Variants in CDKL5 observed in about 807,000 individuals in gnomAD.
CDKL5 encodes the protein cyclin-dependent kinase-like 5.
In CDKL5, 8 loss-of-function variants were observed where a neutral mutation model predicts 61.7. The observed-to-expected ratio is 0.13, with a 90% CI of 0.08 to 0.23. The LOEUF is 0.23. CDKL5 is among the 10% of genes least tolerant of loss of function. The probability of loss-of-function intolerance (pLI) is 1.00; values close to 1 mark genes in which losing one functional copy is unlikely to be tolerated. For missense variants in CDKL5, 440 were observed against 734.5 expected (o/e 0.60, Z 4.63); for synonymous variants, 275 against 272.3 (o/e 1.01, Z -0.10).
chrX:18,516,112 C>T (rs1232946961), intron 3 of CDKL5, among the ~76,000 whole-genome samples: 2 of 109,932 alleles, frequency 1.8e-5, no homozygotes, highest in African/African-American at 6.6e-5. Flanking sequence ...CTCAGCCTTC[C>T]GAGTATCTGG....
intron 3 of CDKL5, among the ~76,000 whole-genome samples, chrX:18,525,781 C>A (rs898809556): frequency 1.1e-5 from 1 of 93,682 alleles, no homozygotes; most frequent in African/African-American, 4.0e-5. Flanking sequence ...GAGTCTCACT[C>A]TGTTGCCCAG....
chrX:18,455,921 T>A (rs1304313969), intron 1 of CDKL5, among the ~76,000 whole-genome samples: 1 of 112,348 alleles, frequency 8.9e-6, no homozygotes, highest in Non-Finnish European at 1.9e-5. Context: ...TCACCTTTAC[T>A]ATGAGGTCTT....
intron 4 of CDKL5, among the ~76,000 whole-genome samples, chrX:18,569,721 C>T (rs901422680): frequency 8.1e-5 from 9 of 111,435 alleles, no homozygotes; most frequent in Non-Finnish European, 1.5e-4. Context: ...TTATTTTTGA[C>T]ATACATTTGG....
At chrX:18,650,400 T>C (rs1322178445) in intron 20 of CDKL5, 1 of 1,210,932 alleles carries the variant, frequency 8.3e-7, no homozygotes, top group East Asian at 3.0e-5. Flanking sequence ...GCCCTCTGAA[T>C]ATTTTCCAGG....
rs181897693 is a variant in CDKL5 at position 18,561,610 on chromosome X, A to G, written c.100-2867A>G. On this transcript the variant is annotated intron_variant, in intron 3 of 17. Coordinates refer to ENST00000623535, the MANE Select transcript of CDKL5 (RefSeq NM_001323289.2). ...CACAATACTTTAAAAACTGGTTCTG[A>G]CATAAGAACAAATCAGTAGCCTATA... Among the ~76,000 whole-genome samples the G allele has an allele frequency of 4.4e-3, 484 of 111,084 alleles. 1 individual carries two copies. In the Middle Eastern group the frequency reaches 0.047, roughly 11 times the overall value.
rs1226313272 is a variant in CDKL5 at position 18,633,691 on chromosome X, T to A, written c.*4934T>A. On this transcript the variant is annotated 3_prime_UTR_variant, in exon 18 of 18. Transcript: ENST00000623535. Reference sequence around the variant, plus strand: ...GGAAACTCTGGGCCTGCTGCCCCCTTCGATTCTTTTTTTTTTTCTTTGTGA... The same window carrying A: ...GGAAACTCTGGGCCTGCTGCCCCCTACGATTCTTTTTTTTTTTCTTTGTGA... The A allele has an allele frequency of 1.3e-6, 1 of 752,268 alleles. No homozygotes were observed. The highest frequency in any genetic ancestry group is 1.6e-6 in the Non-Finnish European group (1 of 638,985). The allele number at this position is 752,268 out of a possible 1,213,427, so 62.0% of individuals were successfully genotyped here.
chrX:18,618,820 T>G (rs899007078), intron 15 of CDKL5, among the ~76,000 whole-genome samples: 4 of 110,179 alleles, frequency 3.6e-5, no homozygotes, highest in African/African-American at 1.3e-4. Flanking sequence ...AGTAAAAAAA[T>G]TATCCAGGCC....
intron 1 of CDKL5, among the ~76,000 whole-genome samples, chrX:18,430,938 C>T (rs938467380): frequency 8.3e-5 from 9 of 108,272 alleles, no homozygotes; most frequent in East Asian, 2.9e-4. Context: ...CTCGGCTCGC[C>T]GCAACCTCCG....
chrX:18,625,180 C>T lies in CDKL5; in HGVS notation c.2429C>T (p.Ser810Phe). Residue 810 changes from serine (S) to phenylalanine (F), a missense_variant, in exon 17 of 18, where the codon TCT becomes TTT. Ser to Phe is a radical substitution (Grantham distance 155). This residue lies in a region of CDKL5 where 363 missense variants were observed against 516.3 expected (regional missense o/e 0.70). Transcript: ENST00000623535. ...DLLTLQKSIHSASTPSSRPKE... is the reference protein window; with the variant it reads ...DLLTLQKSIHFASTPSSRPKE... Reference sequence around the variant, plus strand: ...CTGACGTTGCAGAAATCCATTCATTCTGCTAGCACTCCAAGCAGCAGACCA... The same window carrying T: ...CTGACGTTGCAGAAATCCATTCATTTTGCTAGCACTCCAAGCAGCAGACCA... 1 of 1,207,907 alleles carries T rather than the reference C, an allele frequency of 8.3e-7. No homozygotes were observed. Among genetic ancestry groups the T allele is most frequent in the Non-Finnish European group, 1.1e-6 (1 of 893,299 alleles).
At chrX:18,614,854 C>T (rs982508768) in intron 15 of CDKL5, among the ~76,000 whole-genome samples, 1 of 112,160 alleles carries the variant, frequency 8.9e-6, no homozygotes, top group African/African-American at 3.2e-5. Flanking sequence ...ATTGGATTCT[C>T]TTGATTATTA....
chrX:18,452,778 T>G (rs1932048748), intron 1 of CDKL5, among the ~76,000 whole-genome samples: 1 of 107,645 alleles, frequency 9.3e-6, no homozygotes, highest in Non-Finnish European at 1.9e-5. Flanking sequence ...TGCATGGAAA[T>G]GTTATAGTAT....
chrX:18,608,501 C>G (rs1926435566), intron 12 of CDKL5, among the ~76,000 whole-genome samples: 1 of 111,378 alleles, frequency 9.0e-6, no homozygotes, highest in Non-Finnish European at 1.9e-5. Context: ...GAGGGCCGCT[C>G]AGAACCATGA....
chrX:18,545,340 A>G (rs1245192259), intron 3 of CDKL5, among the ~76,000 whole-genome samples: 1 of 112,097 alleles, frequency 8.9e-6, no homozygotes, highest in Non-Finnish European at 1.9e-5. Flanking sequence ...GATTATGTAT[A>G]TCTATTATAT....
In CDKL5 at chrX:18,588,124, C is replaced by G; in HGVS notation, c.725C>G (p.Pro242Arg). Residue 242 changes from proline (P) to arginine (R), a missense_variant, in exon 9 of 18, where the codon CCT becomes CGT. Coordinates refer to ENST00000623535, the MANE Select transcript of CDKL5 (RefSeq NM_001323289.2). Reference protein sequence around the residue: ...SEQMKLFYSNPRFHGLRFPAV... With the variant: ...SEQMKLFYSNRRFHGLRFPAV... ...CAGATGAAGCTTTTCTACAGTAATC[C>G]TCGCTTCCATGGGCTCCGGGTAAGA... is the stretch of plus-strand genomic sequence containing the variant. 8.3e-7 allele frequency: 1 copy of G among 1,209,786 alleles called. No individual in the cohort carries two copies. The highest frequency in any genetic ancestry group is 1.1e-6 in the Non-Finnish European group (1 of 894,084).
chrX:18,648,275 G>A (rs912108554), intron 20 of CDKL5, among the ~76,000 whole-genome samples: 6 of 108,791 alleles, frequency 5.5e-5, no homozygotes, highest in East Asian at 5.8e-4. Context: ...ACAGGGTCTC[G>A]CCCTGTCCTA....
At chrX:18,573,561 C>G (rs1251267068) in intron 4 of CDKL5, among the ~76,000 whole-genome samples, 1 of 112,323 alleles carries the variant, frequency 8.9e-6, no homozygotes, top group Non-Finnish European at 1.9e-5. Flanking sequence ...CTCAGACATT[C>G]CCCCACTGCC....
intron 1 of CDKL5, among the ~76,000 whole-genome samples, chrX:18,470,291 G>A (rs1921037700): frequency 2.0e-5 from 2 of 99,082 alleles, no homozygotes; most frequent in African/African-American, 7.5e-5. Context: ...AGCTGAGATC[G>A]CACAGCTGCA....
intron 11 of CDKL5, among the ~76,000 whole-genome samples, chrX:18,599,615 G>A (rs1457764548): frequency 5.4e-5 from 6 of 110,222 alleles, no homozygotes; most frequent in Admixed American, 9.6e-5. Context: ...CATCATGCCT[G>A]GCTAATTTTT....
chrX:18,602,674 C>G (rs1373436340), intron 11 of CDKL5, among the ~76,000 whole-genome samples: 2 of 110,584 alleles, frequency 1.8e-5, no homozygotes, highest in African/African-American at 3.3e-5. Flanking sequence ...AGATTACTGA[C>G]TGAAAGGTAG....
Sources: allele counts gnomAD v4.1 joint callset (sites outside exome capture counted in the v4.1 genomes callset), GRCh38; gene constraint gnomAD v4.1.1; regional missense constraint gnomAD v4.1.1; transcripts MANE v1.5; gene names NCBI Gene and HGNC (gene_info 2026-07-23, HGNC 2026-07-21).